The following CELF4 variants were observed in gnomAD, a reference collection of about 807,000 sequenced individuals.
The protein encoded by CELF4 is CUGBP Elav-like family member 4.
Under a neutral mutation model 59.9 loss-of-function variants are expected in CELF4, and 18 were observed. That is an observed-to-expected ratio of 0.30 (90% CI 0.21 to 0.45). The LOEUF (loss-of-function observed/expected upper bound fraction) is 0.45, where lower values mean the gene tolerates loss of function less well. CELF4 is among the 20% of genes least tolerant of loss of function. CELF4 has a pLI of 1.00. For missense variants in CELF4, 456 were observed against 689.0 expected (o/e 0.66, Z 3.79); for synonymous variants, 261 against 267.1 (o/e 0.98, Z 0.22).
intron 1 of CELF4, among the ~76,000 whole-genome samples, chr18:37,549,186 G>T (rs189882072): frequency 6.6e-6 from 1 of 152,192 alleles, no homozygotes; most frequent in Admixed American, 6.5e-5. Context: ...TTATTTAAAG[G>T]ATTTGACTGT....
At chr18:37,479,933 T>C (rs1439608431) in intron 2 of CELF4, among the ~76,000 whole-genome samples, 1 of 152,208 alleles carries the variant, frequency 6.6e-6, no homozygotes, top group Non-Finnish European at 1.5e-5. Flanking sequence ...GGAAAGATGA[T>C]GCAAAGACAC....
chr18:37,565,238 C>T lies in CELF4; in HGVS notation c.286+118G>A, dbSNP rs566100293. 4,924 of 1,205,006 alleles carry T rather than the reference C, an allele frequency of 4.1e-3. 20 individuals are homozygous for T. Among genetic ancestry groups the T allele is most frequent in the Non-Finnish European group, 5.0e-3 (4,319 of 868,874 alleles). The allele number at this position is 1,205,006 out of a possible 1,614,324, so 74.6% of individuals were successfully genotyped here. A position where few individuals can be genotyped will look rare whatever the true frequency, so the allele number is the denominator to read the frequency against. On this transcript the variant is annotated intron_variant, in intron 1 of 12. Transcript: ENST00000420428. ...CCGCTGCCCGAGCGCCTCCCTCCAC[C>T]GCGCCCGCCCGAGGCTTCCTCTCGC... is the stretch of plus-strand genomic sequence containing the variant.
At chr18:37,330,688 A>G (rs570085133) in intron 2 of CELF4, among the ~76,000 whole-genome samples, 1 of 152,290 alleles carries the variant, frequency 6.6e-6, no homozygotes, top group African/African-American at 2.4e-5. Context: ...TACTGACCAA[A>G]TGATGACTGA....
chr18:37,449,948 A>G (rs564914414), intron 2 of CELF4, among the ~76,000 whole-genome samples: 2 of 152,366 alleles, frequency 1.3e-5, no homozygotes, highest in South Asian at 4.1e-4. Flanking sequence ...CAGGACAGGC[A>G]GTGAGAGCAG....
At chr18:37,335,339 G>T (rs1383354463) in intron 2 of CELF4, among the ~76,000 whole-genome samples, 3 of 152,260 alleles carry the variant, frequency 2.0e-5, no homozygotes, top group East Asian at 1.9e-4. Flanking sequence ...TGGAGTGTAT[G>T]GTGAGGGGTC....
chr18:37,265,580 G>A (rs1191146107), intron 9 of CELF4, among the ~76,000 whole-genome samples: 3 of 152,166 alleles, frequency 2.0e-5, no homozygotes, highest in African/African-American at 7.2e-5. Context: ...AGTCCCCAGG[G>A]GCAGAGGACT....
intron 1 of CELF4, among the ~76,000 whole-genome samples, chr18:37,532,648 G>T (rs2099970457): frequency 1.3e-5 from 2 of 152,014 alleles, no homozygotes; most frequent in Admixed American, 6.5e-5. Flanking sequence ...AAAAAAAAAG[G>T]TCAGGTGACA....
intron 2 of CELF4, among the ~76,000 whole-genome samples, chr18:37,459,068 C>A (rs2099786513): frequency 6.6e-6 from 1 of 152,222 alleles, no homozygotes; most frequent in Non-Finnish European, 1.5e-5. Context: ...TCTGACATTG[C>A]TTTCCGGGCT....
chr18:37,244,400 A>G lies in CELF4; in HGVS notation c.*842T>C, dbSNP rs1206710049. ...TTTGTGTTGCTTTCCCCAAATATCC[A>G]CCAATTTGTTCATCTTTTAACAGCT... On this transcript the variant is annotated 3_prime_UTR_variant, in exon 13 of 13. Transcript: ENST00000420428. The G allele has an allele frequency of 1.3e-5, 2 of 152,420 alleles. No homozygotes were observed. The highest frequency in any genetic ancestry group is 2.4e-5 in the African/African-American group (1 of 41,404). 9.4% of individuals were successfully genotyped at this position (152,420 alleles called of 1,614,324 possible).
intron 1 of CELF4, among the ~76,000 whole-genome samples, chr18:37,535,425 G>A (rs1028202998): frequency 6.6e-6 from 1 of 152,246 alleles, no homozygotes. Flanking sequence ...CCAGGGATCC[G>A]AAGTTGCAGA....
intron 2 of CELF4, among the ~76,000 whole-genome samples, chr18:37,332,729 T>C (rs1455720059): frequency 1.3e-5 from 2 of 152,158 alleles, no homozygotes; most frequent in African/African-American, 4.8e-5. Flanking sequence ...GGGTAGAAGC[T>C]TCCAGCGCGT....
chr18:37,390,969 G>A (rs944165570), intron 2 of CELF4, among the ~76,000 whole-genome samples: 15 of 152,240 alleles, frequency 9.9e-5, no homozygotes, highest in Admixed American at 3.3e-4. Flanking sequence ...CGGGCCACCC[G>A]TCCTCCCTCC....
intron 2 of CELF4, among the ~76,000 whole-genome samples, chr18:37,397,470 C>T (rs945556936): frequency 1.3e-5 from 2 of 152,090 alleles, no homozygotes; most frequent in African/African-American, 4.8e-5. Context: ...CTGGGTAGCT[C>T]CAGGCTTTGG....
chr18:37,268,621 C>G lies in CELF4; in HGVS notation c.1100-2023G>C, dbSNP rs553704870. ...AATCTTTAATGTTTGCAAGAGCCAC[C>G]CCTTCAAGGGTGTTTATGTGACAGT... is the stretch of plus-strand genomic sequence containing the variant. On this transcript the variant is annotated intron_variant, in intron 8 of 12. Transcript: ENST00000420428. 2.6e-5 allele frequency among the ~76,000 whole-genome samples: 4 copies of G among 152,262 alleles called. No individual in the cohort carries two copies. In the South Asian group the frequency reaches 8.3e-4, roughly 32 times the overall value.
At chr18:37,470,877 T>TGACAGAGAGA (rs1569569550) in intron 2 of CELF4, among the ~76,000 whole-genome samples, 2 of 96,994 alleles carry the variant, frequency 2.1e-5, no homozygotes, top group Non-Finnish European at 4.2e-5. Context: ...TGTGTGTGTG[T>TGACAGAGAGA]GTGTGTGTGT....
At position 37,447,562 on chromosome 18, in the gene CELF4, C is replaced by T. The variant is rs556291956; in HGVS notation, c.369+37963G>A. On this transcript the variant is annotated intron_variant, in intron 2 of 12. Transcript: ENST00000420428. ...TTTTCTTTCTCTGTGCAGGCTCGCTCCCCAGCCTCCAGGAGCTCCCCAGGG... is the reference window on the plus strand; with the variant it reads ...TTTTCTTTCTCTGTGCAGGCTCGCTTCCCAGCCTCCAGGAGCTCCCCAGGG... Among the ~76,000 whole-genome samples the T allele has an allele frequency of 3.3e-5, 5 of 152,318 alleles. No homozygotes were observed. The South Asian group carries it at 8.3e-4, about 25-fold the overall frequency.
intron 3 of CELF4, 95 bp downstream of exon 3, chr18:37,321,708 G>A: frequency 1.2e-6 from 1 of 851,976 alleles, no homozygotes; most frequent in Non-Finnish European, 1.9e-6. Flanking sequence ...GGCAAGAGGA[G>A]GAGGCGGGGA....
intron 2 of CELF4, among the ~76,000 whole-genome samples, chr18:37,406,014 CTCTCTCTTTTTT>C (rs2099386684): frequency 6.6e-6 from 1 of 152,222 alleles, no homozygotes; most frequent in African/African-American, 2.4e-5. Context: ...CTCTCTTTCT[CTCTCTCTTTTTT>C]AATAAAAAAT....
At chr18:37,552,214 T>C (rs568220729) in intron 1 of CELF4, among the ~76,000 whole-genome samples, 1 of 152,360 alleles carries the variant, frequency 6.6e-6, no homozygotes, top group East Asian at 1.9e-4. Context: ...CAAGTTATCT[T>C]GTGGCAGTGA....
Sources: gnomAD v4.1 joint callset for allele counts (sites outside exome capture counted in the v4.1 genomes callset) on GRCh38, gnomAD v4.1.1 for gene constraint, MANE v1.5 for transcripts, NCBI Gene and HGNC (gene_info 2026-07-23, HGNC 2026-07-21) for gene names.